TTLL5: variants seen among roughly 807,000 people sequenced by gnomAD.
The protein encoded by TTLL5 is tubulin polyglutamylase TTLL5.
TTLL5 carries 132 observed loss-of-function variants against 168.4 expected under a neutral mutation model. That is an observed-to-expected ratio of 0.78 (90% CI 0.68 to 0.91). The LOEUF is 0.91. TTLL5 is among the 40% of genes least tolerant of loss of function. The probability of loss-of-function intolerance (pLI) is 0.00; values close to 1 mark genes in which losing one functional copy is unlikely to be tolerated. For missense variants in TTLL5, 1,545 were observed against 1,581.5 expected (o/e 0.98, Z 0.39); for synonymous variants, 546 against 558.6 (o/e 0.98, Z 0.32).
At chr14:75,700,633 A>G (rs1886202491) in intron 7 of TTLL5, among the ~76,000 whole-genome samples, 1 of 152,224 alleles carries the variant, frequency 6.6e-6, no homozygotes, top group African/African-American at 2.4e-5. Context: ...TGAAACAGGC[A>G]CTTGGGTCTC....
intron 31 of TTLL5, among the ~76,000 whole-genome samples, chr14:75,945,388 C>T (rs2034739022): frequency 6.6e-6 from 1 of 151,676 alleles, no homozygotes; most frequent in Non-Finnish European, 1.5e-5. Context: ...TCCTGAGTAG[C>T]TGGGACTACA....
intron 28 of TTLL5, among the ~76,000 whole-genome samples, chr14:75,822,666 A>G (rs1029190433): frequency 3.3e-5 from 5 of 152,112 alleles, no homozygotes; most frequent in African/African-American, 1.2e-4. Flanking sequence ...TCATTTCCCT[A>G]TGGTGTTGCT....
intron 30 of TTLL5, among the ~76,000 whole-genome samples, chr14:75,888,634 C>T (rs902825699): frequency 6.6e-6 from 1 of 152,098 alleles, no homozygotes; most frequent in African/African-American, 2.4e-5. Context: ...AAGAAGGCTT[C>T]AGTTGGGCAC....
At chr14:75,697,328 C>G (rs1885941831) in intron 6 of TTLL5, among the ~76,000 whole-genome samples, 1 of 152,126 alleles carries the variant, frequency 6.6e-6, no homozygotes, top group African/African-American at 2.4e-5. Context: ...CATTGAAAAT[C>G]TTATATATGC....
chr14:75,949,780 A>T (rs1158177169), intron 31 of TTLL5, among the ~76,000 whole-genome samples: 1 of 151,598 alleles, frequency 6.6e-6, no homozygotes, highest in African/African-American at 2.4e-5. Flanking sequence ...AACCCAGGAG[A>T]TGGAAGCTGC....
At chr14:75,937,048 T>C (rs924517152) in intron 31 of TTLL5, among the ~76,000 whole-genome samples, 2 of 152,228 alleles carry the variant, frequency 1.3e-5, no homozygotes, top group African/African-American at 4.8e-5. Flanking sequence ...ATCTTTAAAA[T>C]TGTGGTGAAA....
At chr14:75,884,900 G>C (rs1685817464) in intron 30 of TTLL5, among the ~76,000 whole-genome samples, 1 of 152,014 alleles carries the variant, frequency 6.6e-6, no homozygotes, top group African/African-American at 2.4e-5. Context: ...GCCAAGTGTG[G>C]TGGCTCACGC....
At chr14:75,833,898 T>C (rs1895727135) in intron 28 of TTLL5, among the ~76,000 whole-genome samples, 1 of 152,214 alleles carries the variant, frequency 6.6e-6, no homozygotes, top group Admixed American at 6.5e-5. Flanking sequence ...CAAAGGGTTA[T>C]TTGTTTGAGT....
At chr14:75,730,798 C>T (rs1170811924) in intron 12 of TTLL5, among the ~76,000 whole-genome samples, 3 of 151,792 alleles carry the variant, frequency 2.0e-5, no homozygotes, top group Non-Finnish European at 4.4e-5. Flanking sequence ...CAGCTCATTT[C>T]AACCTCCACC....
chr14:75,888,463 G>T (rs916664958), intron 30 of TTLL5, among the ~76,000 whole-genome samples: 1 of 152,132 alleles, frequency 6.6e-6, no homozygotes, highest in Non-Finnish European at 1.5e-5. Context: ...GTATGAAAAC[G>T]CTTTTTTAAA....
At chr14:75,813,317 T>TGTG (rs1415916917) in intron 27 of TTLL5, among the ~76,000 whole-genome samples, 1 of 135,940 alleles carries the variant, frequency 7.4e-6, no homozygotes, top group Non-Finnish European at 1.6e-5. Context: ...TGTGTGTGTG[T>TGTG]TTGAGACAGC....
chr14:75,776,205 A>C (rs1304126868), intron 22 of TTLL5, among the ~76,000 whole-genome samples: 1 of 152,216 alleles, frequency 6.6e-6, no homozygotes, highest in Admixed American at 6.5e-5. Context: ...AGCTGATAGA[A>C]ATTTAAATGG....
intron 5 of TTLL5, among the ~76,000 whole-genome samples, chr14:75,689,105 C>T (rs1885271756): frequency 6.6e-6 from 1 of 152,194 alleles, no homozygotes; most frequent in South Asian, 2.1e-4. Context: ...TCTTGGATCA[C>T]TTGATCTGGG....
At chr14:75,802,787 TAAC>T (rs1893398163) in intron 27 of TTLL5, among the ~76,000 whole-genome samples, 1 of 152,090 alleles carries the variant, frequency 6.6e-6, no homozygotes, top group Non-Finnish European at 1.5e-5. Context: ...TCTGAGGGAA[TAAC>T]AACCACTAAA....
At chr14:75,910,786 T>A (rs2033346044) in intron 31 of TTLL5, among the ~76,000 whole-genome samples, 1 of 152,274 alleles carries the variant, frequency 6.6e-6, no homozygotes, top group Non-Finnish European at 1.5e-5. Context: ...TGTATTGATT[T>A]TTATCCTGTA....
chr14:75,696,519 A>G (rs1249906602), intron 6 of TTLL5, among the ~76,000 whole-genome samples: 1 of 152,232 alleles, frequency 6.6e-6, no homozygotes, highest in East Asian at 1.9e-4. Context: ...TATAAACTGA[A>G]TACACATACA....
At chr14:75,889,574 C>A (rs540405434) in intron 30 of TTLL5, among the ~76,000 whole-genome samples, 37 of 152,104 alleles carry the variant, frequency 2.4e-4, no homozygotes, top group African/African-American at 8.0e-4. Flanking sequence ...ACCTGTAATC[C>A]CAGCACTTTG....
At chr14:75,890,237 A>G (rs969378024) in intron 30 of TTLL5, among the ~76,000 whole-genome samples, 1 of 152,220 alleles carries the variant, frequency 6.6e-6, no homozygotes, top group Non-Finnish European at 1.5e-5. Context: ...GTAAGCTTTT[A>G]TCACATGAAG....
chr14:75,924,829 A>C (rs2033957355), intron 31 of TTLL5, among the ~76,000 whole-genome samples: 1 of 151,902 alleles, frequency 6.6e-6, no homozygotes, highest in Admixed American at 6.5e-5. Context: ...GTGGCCGGGC[A>C]GAGGAGCTCC....
Sources: allele counts gnomAD v4.1 joint callset (sites outside exome capture counted in the v4.1 genomes callset), GRCh38; gene constraint gnomAD v4.1.1; transcripts MANE v1.5; gene names NCBI Gene and HGNC (gene_info 2026-07-23, HGNC 2026-07-21).